Variants in ADAMTSL1 observed in about 807,000 individuals in gnomAD.
The protein encoded by ADAMTSL1 is ADAMTS-like protein 1.
A neutral mutation model predicts 201.8 loss-of-function variants in ADAMTSL1; 126 were observed. The ratio of observed to expected loss-of-function variants is 0.62; its 90% CI spans 0.54 to 0.72. The LOEUF is 0.72. Among genes scored for constraint, ADAMTSL1 ranks in the 30% least tolerant of loss-of-function variants. ADAMTSL1 has a pLI of 0.00. For synonymous variants in ADAMTSL1, 1,121 were observed against 903.4 expected (o/e 1.24, Z -4.32); for missense variants, 2,679 against 2,277.8 (o/e 1.18, Z -3.59).
At chr9:17,995,859 C>T (rs1416338053) in intron 1 of ADAMTSL1, among the ~76,000 whole-genome samples, 19 of 151,644 alleles carry the variant, frequency 1.3e-4, no homozygotes, top group Non-Finnish European at 2.9e-5. Context: ...CCTGGCTCTG[C>T]TACCTCCTGG....
At chr9:18,803,570 G>A (rs1015290597) in intron 20 of ADAMTSL1, among the ~76,000 whole-genome samples, 23 of 152,082 alleles carry the variant, frequency 1.5e-4, no homozygotes, top group African/African-American at 5.6e-4. Flanking sequence ...TGTCTGAAGG[G>A]CACAGCTCAT....
At chr9:18,642,289 T>A (rs1037559365) in intron 7 of ADAMTSL1, among the ~76,000 whole-genome samples, 2 of 72,690 alleles carry the variant, frequency 2.8e-5, no homozygotes, top group Non-Finnish European at 5.5e-5. Flanking sequence ...AGTTCTCTTT[T>A]AATTTTTATT....
chr9:18,655,963 C>T (rs4977520), intron 7 of ADAMTSL1, among the ~76,000 whole-genome samples: 67,344 of 151,712 alleles, frequency 0.44, 15,877 homozygotes, highest in East Asian at 0.79. Context: ...AAAGACACTG[C>T]ATTGCTTCAG....
intron 1 of ADAMTSL1, among the ~76,000 whole-genome samples, chr9:18,017,879 G>A (rs1454995746): frequency 1.3e-5 from 2 of 151,988 alleles, no homozygotes; most frequent in Non-Finnish European, 2.9e-5. Flanking sequence ...ATCTCCCTCT[G>A]CTAAAATAGC....
intron 3 of ADAMTSL1, chr9:18,573,157 A>C (rs1822450776): frequency 6.6e-6 from 1 of 152,644 alleles, no homozygotes; most frequent in African/African-American, 2.4e-5. Context: ...TACAATTCAA[A>C]TTGAGAGAAT....
chr9:18,588,422 C>T (rs1384062188), intron 4 of ADAMTSL1, among the ~76,000 whole-genome samples: 1 of 151,612 alleles, frequency 6.6e-6, no homozygotes, highest in African/African-American at 2.4e-5. Context: ...GTTGGCTTTT[C>T]CCTTTTTGTT....
intron 2 of ADAMTSL1, among the ~76,000 whole-genome samples, chr9:18,291,857 G>A (rs1007524867): frequency 1.3e-5 from 2 of 151,504 alleles, no homozygotes; most frequent in African/African-American, 2.4e-5. Flanking sequence ...TAAGAATGCC[G>A]TTGCCTGTCT....
chr9:17,928,690 G>A (rs1471838549), intron 1 of ADAMTSL1, among the ~76,000 whole-genome samples: 2 of 152,128 alleles, frequency 1.3e-5, no homozygotes, highest in African/African-American at 2.4e-5. Context: ...AGGGAGGATT[G>A]CTTGAGGCCA....
intron 1 of ADAMTSL1, among the ~76,000 whole-genome samples, chr9:18,051,007 A>G (rs10511649): frequency 0.33 from 49,573 of 152,114 alleles, 8,567 homozygotes; most frequent in Non-Finnish European, 0.39. Context: ...TCCTTAAAAT[A>G]TCCAGACTAT....
intron 2 of ADAMTSL1, among the ~76,000 whole-genome samples, chr9:18,509,579 T>A (rs1039107845): frequency 6.6e-6 from 1 of 152,214 alleles, no homozygotes; most frequent in African/African-American, 2.4e-5. Context: ...CTGGTTCAAC[T>A]TGGGAAACCC....
intron 1 of ADAMTSL1, among the ~76,000 whole-genome samples, chr9:18,043,456 T>G (rs899656260): frequency 5.3e-5 from 8 of 152,142 alleles, no homozygotes; most frequent in African/African-American, 1.9e-4. Context: ...CCACCTGGGC[T>G]ACAGTAAGCA....
intron 1 of ADAMTSL1, among the ~76,000 whole-genome samples, chr9:17,916,592 C>G (rs1345046025): frequency 6.6e-6 from 1 of 152,112 alleles, no homozygotes; most frequent in Admixed American, 6.5e-5. Context: ...ACTGAATTGT[C>G]TTTGTACTTC....
intron 3 of ADAMTSL1, 78 bp downstream of exon 3, chr9:18,533,370 C>A (rs954587922): frequency 7.1e-6 from 9 of 1,269,384 alleles, no homozygotes; most frequent in East Asian, 4.9e-5. Flanking sequence ...ATATCCTGAG[C>A]AGGAAATCAA....
At chr9:18,483,898 T>G (rs753016624) in intron 1 of ADAMTSL1, among the ~76,000 whole-genome samples, 3 of 152,200 alleles carry the variant, frequency 2.0e-5, no homozygotes, top group Non-Finnish European at 2.9e-5. Flanking sequence ...CAGGGTGACC[T>G]GGCAAGAACA....
chr9:18,896,894 C>T (rs1829672643), intron 26 of ADAMTSL1, among the ~76,000 whole-genome samples: 1 of 152,082 alleles, frequency 6.6e-6, no homozygotes, highest in Non-Finnish European at 1.5e-5. Flanking sequence ...TCTGCAGGCC[C>T]CACTTAACAT....
At chr9:18,547,261 A>G (rs1362156158) in intron 3 of ADAMTSL1, among the ~76,000 whole-genome samples, 1 of 152,128 alleles carries the variant, frequency 6.6e-6, no homozygotes, top group Non-Finnish European at 1.5e-5. Context: ...AAAGTACAAC[A>G]GAAGAGCTCA....
intron 28 of ADAMTSL1, 176 bp from the exon 29 acceptor site, chr9:18,908,266 G>C (rs1830423079): frequency 3.2e-6 from 2 of 632,392 alleles, no homozygotes; most frequent in East Asian, 5.7e-5. Flanking sequence ...GGCAGCCTTG[G>C]GGAGCAAGTG....
chr9:18,314,194 A>C (rs1771682744), intron 2 of ADAMTSL1, among the ~76,000 whole-genome samples: 1 of 152,178 alleles, frequency 6.6e-6, no homozygotes. Context: ...CATGTTGGTG[A>C]GGATATGGGG....
intron 2 of ADAMTSL1, among the ~76,000 whole-genome samples, chr9:18,287,386 T>C (rs969998821): frequency 6.6e-6 from 1 of 151,854 alleles, no homozygotes; most frequent in African/African-American, 2.4e-5. Context: ...TGTATATATG[T>C]GTGTATATAT....
Sources: allele counts gnomAD v4.1 joint callset (sites outside exome capture counted in the v4.1 genomes callset), GRCh38; gene constraint gnomAD v4.1.1; transcripts MANE v1.5; gene names NCBI Gene and HGNC (gene_info 2026-07-23, HGNC 2026-07-21).